The following LGI1 variants were observed in gnomAD, a reference collection of about 807,000 sequenced individuals.
LGI1 encodes leucine rich glioma inactivated 1, also known as leucine-rich glioma-inactivated protein 1.
A neutral mutation model predicts 57.7 loss-of-function variants in LGI1; 11 were observed. The ratio of observed to expected loss-of-function variants is 0.19; its 90% CI spans 0.12 to 0.32. The LOEUF is 0.32. LGI1 is among the 10% of genes least tolerant of loss of function. LGI1 has a pLI of 1.00. For missense variants in LGI1, 422 were observed against 661.9 expected (o/e 0.64, Z 3.98); for synonymous variants, 222 against 241.9 (o/e 0.92, Z 0.76).
intron 4 of LGI1, among the ~76,000 whole-genome samples, chr10:93,785,386 T>C (rs2059886487): frequency 6.6e-6 from 1 of 152,246 alleles, no homozygotes; most frequent in South Asian, 2.1e-4. Flanking sequence ...GCTACATGTG[T>C]TAATTCTCAC....
At chr10:93,774,944 T>C (rs1339009277) in intron 2 of LGI1, among the ~76,000 whole-genome samples, 3 of 152,240 alleles carry the variant, frequency 2.0e-5, no homozygotes, top group African/African-American at 7.2e-5. Context: ...CCCACTCAAC[T>C]ATCTTTAGAA....
Position 93,758,411 on chromosome 10 carries a change from C to T in LGI1, c.215+52C>T, listed in dbSNP as rs756585131. 20 of 1,557,246 alleles carry T rather than the reference C, an allele frequency of 1.3e-5. No individual in the cohort carries two copies. Among genetic ancestry groups the T allele is most frequent in the East Asian group, 2.2e-5 (1 of 44,606 alleles). On this transcript the variant is annotated intron_variant, in intron 1 of 7. Coordinates refer to ENST00000371418, the MANE Select transcript of LGI1 (RefSeq NM_005097.4). This position sits in a 1 kb window ranked among gnomAD's most constrained non-coding sequence, Gnocchi z 4.7. The stretch of plus-strand genomic sequence containing the variant: ...TAATTTACGATTTAAAAATTCCAGC[C>T]GGTGGATTTGGGGCTTTGCATGTAT...
rs1213708202 is a variant in LGI1 at position 93,777,365 on chromosome 10, C to A, written c.288-14C>A. The A allele has an allele frequency of 1.2e-6, 2 of 1,612,430 alleles. No homozygotes were observed. Among genetic ancestry groups the A allele is most frequent in the Non-Finnish European group, 8.5e-7 (1 of 1,178,578 alleles). The stretch of plus-strand genomic sequence containing the variant: ...TCAGTTTCACCATTTTCATTGTGTA[C>A]TTTTTCTGGGCAGGTTATTCACATC... On this transcript the variant is annotated splice_polypyrimidine_tract_variant and intron_variant, in intron 2 of 7. Coordinates refer to ENST00000371418, the MANE Select transcript of LGI1 (RefSeq NM_005097.4).
intron 4 of LGI1, among the ~76,000 whole-genome samples, chr10:93,779,434 G>C (rs1245551658): frequency 7.1e-6 from 1 of 140,026 alleles, no homozygotes; most frequent in African/African-American, 2.6e-5. Flanking sequence ...GCGAGGGAGG[G>C]AGGGAGGGGA....
chr10:93,792,604 A>C lies in LGI1; in HGVS notation c.504-139A>C, dbSNP rs2059946154. On this transcript the variant is annotated intron_variant, in intron 5 of 7. Transcript: ENST00000371418. Reference sequence around the variant, plus strand: ...CTGAGCCCAAAGTGAATGAGTGGTCAGTCAGGTTCCAGGCAGGTTATAGGG... The same window carrying C: ...CTGAGCCCAAAGTGAATGAGTGGTCCGTCAGGTTCCAGGCAGGTTATAGGG... The C allele has an allele frequency of 2.0e-5, 16 of 819,656 alleles. No individual in the cohort carries two copies. The Admixed American group carries it at 2.9e-4, about 15-fold the overall frequency. 50.8% of individuals were successfully genotyped at this position (819,656 alleles called of 1,614,324 possible).
At chr10:93,763,344 C>T (rs2059643481) in intron 2 of LGI1, 1 of 152,450 alleles carries the variant, frequency 6.6e-6, no homozygotes, top group East Asian at 1.9e-4. Flanking sequence ...GGATCTCATT[C>T]TATGACCTCT....
intron 4 of LGI1, among the ~76,000 whole-genome samples, chr10:93,784,324 T>TA (rs1325929553): frequency 2.0e-5 from 3 of 152,216 alleles, no homozygotes; most frequent in African/African-American, 7.2e-5. Context: ...AAGTATCACC[T>TA]ATCCTAGTGT....
At chr10:93,767,282 T>G in intron 2 of LGI1, 1 of 152,190 alleles carries the variant, frequency 6.6e-6, no homozygotes, top group East Asian at 1.9e-4. Context: ...AAAGGCCTTA[T>G]TTACTTTAAA....
chr10:93,773,889 G>A (rs1007263398), intron 2 of LGI1, among the ~76,000 whole-genome samples: 2 of 152,188 alleles, frequency 1.3e-5, no homozygotes, highest in African/African-American at 2.4e-5. Flanking sequence ...ACAAACCCAC[G>A]GGCTGGCTGC....
chr10:93,777,755 CCATCTTTCCCTGT>C, intron 4 of LGI1, 138 bp downstream of exon 4: 1 of 679,768 alleles, frequency 1.5e-6, no homozygotes, highest in Non-Finnish European at 2.6e-6. Context: ...TGCACACTTG[CCATCTTTCCCTGT>C]CATCTGTCAG....
intron 4 of LGI1, among the ~76,000 whole-genome samples, chr10:93,778,200 A>G (rs1003930324): frequency 1.3e-5 from 2 of 152,166 alleles, no homozygotes; most frequent in Non-Finnish European, 1.5e-5. Flanking sequence ...AAAGGCAGGG[A>G]TTCTTCTACT....
intron 4 of LGI1, among the ~76,000 whole-genome samples, chr10:93,783,249 G>A (rs1409047759): frequency 6.6e-6 from 1 of 152,090 alleles, no homozygotes; most frequent in Non-Finnish European, 1.5e-5. Context: ...GGTGGCGGGC[G>A]CCTGTAGTCC....
At chr10:93,771,880 CAGG>C (rs2059745452) in intron 2 of LGI1, 1 of 151,104 alleles carries the variant, frequency 6.6e-6, no homozygotes, top group African/African-American at 2.4e-5. Context: ...AAGGCTGAGG[CAGG>C]AGAATCTCTT....
intron 7 of LGI1, chr10:93,794,962 T>C (rs2059967676): frequency 6.6e-6 from 1 of 151,468 alleles, no homozygotes; most frequent in South Asian, 2.1e-4. Context: ...CCTTCCAAAC[T>C]GAGACCCTTT....
chr10:93,795,656 C>G (rs1444781947), intron 7 of LGI1, among the ~76,000 whole-genome samples: 2 of 152,220 alleles, frequency 1.3e-5, no homozygotes, highest in Non-Finnish European at 2.9e-5. Flanking sequence ...ACTAATCTAT[C>G]ATGGGAATCT....
intron 5 of LGI1, chr10:93,791,523 A>G (rs1390213774): frequency 1.3e-5 from 2 of 152,236 alleles, no homozygotes; most frequent in Admixed American, 1.3e-4. Flanking sequence ...ATCAAGAATT[A>G]TCTTAGAAGT....
intron 5 of LGI1, chr10:93,790,611 A>C: frequency 6.2e-6 from 1 of 162,590 alleles, no homozygotes; most frequent in Non-Finnish European, 1.3e-5. Context: ...TGGAACAGGA[A>C]GTGGGGGAAG....
chr10:93,790,311 A>G, intron 5 of LGI1, 141 bp downstream of exon 5: 1 of 745,372 alleles, frequency 1.3e-6, no homozygotes. Flanking sequence ...CTGGCCAAAA[A>G]TTTAAATTTA....
intron 2 of LGI1, chr10:93,769,311 A>ACATATG (rs1437157789): frequency 3.9e-5 from 6 of 152,236 alleles, no homozygotes; most frequent in Admixed American, 2.6e-4. Flanking sequence ...ATATACATAT[A>ACATATG]CATATGCAAA....
Sources: allele counts gnomAD v4.1 joint callset (sites outside exome capture counted in the v4.1 genomes callset), GRCh38; gene constraint gnomAD v4.1.1; non-coding constraint Gnocchi (gnomAD v3.1); transcripts MANE v1.5; gene names NCBI Gene and HGNC (gene_info 2026-07-23, HGNC 2026-07-21).